CYP2C19: variants seen among roughly 807,000 people sequenced by gnomAD.
CYP2C19 encodes the protein cytochrome P450 2C19.
In CYP2C19, 59 loss-of-function variants were observed where a neutral mutation model predicts 40.9. That is an observed-to-expected ratio of 1.44 (90% CI 1.17 to 1.79). The LOEUF (loss-of-function observed/expected upper bound fraction) is 1.79. Ranked by LOEUF, CYP2C19 falls within the 40% of genes most tolerant of loss-of-function variation. The pLI, the probability that CYP2C19 is intolerant of heterozygous loss-of-function variation, is 0.00. For missense variants in CYP2C19, 754 were observed against 596.9 expected (o/e 1.26, Z -2.74); for synonymous variants, 253 against 208.7 (o/e 1.21, Z -1.83).
intron 5 of CYP2C19, among the ~76,000 whole-genome samples, chr10:94,800,089 T>A (rs1848743313): frequency 3.3e-5 from 5 of 152,096 alleles, no homozygotes; most frequent in Admixed American, 3.3e-4. Flanking sequence ...GGCACTCTGG[T>A]TTTTAGAATT....
At position 94,854,130 on chromosome 10, in the gene CYP2C19, T is replaced by A. The variant is rs1849697763; in HGVS notation, c.*1216T>A. On this transcript the variant is annotated 3_prime_UTR_variant, in exon 9 of 9. Transcript: ENST00000371321. Reference sequence around the variant, plus strand: ...ACCTCCTGGATTCAAGTGGTTCTCCTGCCTCAGCCCCCCAAGTAGCTGGGA... The same window carrying A: ...ACCTCCTGGATTCAAGTGGTTCTCCAGCCTCAGCCCCCCAAGTAGCTGGGA... Among the ~76,000 whole-genome samples the A allele has an allele frequency of 6.6e-6, 1 of 152,100 alleles. No individual in the cohort carries two copies. The highest frequency in any genetic ancestry group is 2.4e-5 in the African/African-American group (1 of 41,488).
chr10:94,829,550 C>A lies in CYP2C19; in HGVS notation c.961+8913C>A, dbSNP rs376639682. Among the ~76,000 whole-genome samples the A allele has an allele frequency of 5.3e-5, 8 of 152,172 alleles. No individual in the cohort carries two copies. The East Asian group carries it at 5.8e-4, about 11-fold the overall frequency. Reference sequence around the variant, plus strand: ...TCTGTATTGGTTATTCTAGTTATACCTTCTTCTAAATTTTTTTCAAAGTTT... The same window carrying A: ...TCTGTATTGGTTATTCTAGTTATACATTCTTCTAAATTTTTTTCAAAGTTT... On this transcript the variant is annotated intron_variant, in intron 6 of 8. Transcript: ENST00000371321.
At chr10:94,828,325 T>C (rs1849265520) in intron 6 of CYP2C19, among the ~76,000 whole-genome samples, 1 of 151,808 alleles carries the variant, frequency 6.6e-6, no homozygotes, top group Admixed American at 6.6e-5. Flanking sequence ...ACTCAGGATT[T>C]GCTTTATGAA....
rs61240923 is a variant in CYP2C19 at position 94,798,814 on chromosome 10, ATTTTTTTTTTTTT to A, written c.819+16829_819+16841del. 6.6e-3 allele frequency among the ~76,000 whole-genome samples: 449 copies of A among 67,720 alleles called. 5 individuals are homozygous for A. The highest frequency in any genetic ancestry group is 0.023 in the African/African-American group (422 of 18,318). 44.4% of individuals were successfully genotyped at this position (67,720 alleles called of 152,430 possible). A position where few individuals can be genotyped will look rare whatever the true frequency, so the allele number is the denominator to read the frequency against. Reference sequence around the variant, plus strand: ...TCAAAGGGTAGGATTGCAACCCCTGATTTTTTTTTTTTTTTTTTTTTTTTGCTGTCTATTTGCT... The same window carrying A: ...TCAAAGGGTAGGATTGCAACCCCTGATTTTTTTTTTTGCTGTCTATTTGCT... On this transcript the variant is annotated intron_variant, in intron 5 of 8. Transcript: ENST00000371321.
At chr10:94,816,147 A>G (rs1848998221) in intron 5 of CYP2C19, among the ~76,000 whole-genome samples, 1 of 152,158 alleles carries the variant, frequency 6.6e-6, no homozygotes, top group Non-Finnish European at 1.5e-5. Flanking sequence ...AGTCTGACAA[A>G]TGGAATTTTT....
At chr10:94,786,251 C>G (rs1848539962) in intron 5 of CYP2C19, among the ~76,000 whole-genome samples, 1 of 152,056 alleles carries the variant, frequency 6.6e-6, no homozygotes, top group African/African-American at 2.4e-5. Flanking sequence ...ATTGGACAAT[C>G]AACTTTCCCA....
chr10:94,811,402 T>A (rs1848921015), intron 5 of CYP2C19, among the ~76,000 whole-genome samples: 2 of 152,206 alleles, frequency 1.3e-5, no homozygotes, highest in Admixed American at 1.3e-4. Context: ...TATGCCCGCT[T>A]GGTCCAGAGC....
intron 8 of CYP2C19, among the ~76,000 whole-genome samples, chr10:94,850,821 G>A (rs993154391): frequency 2.0e-5 from 3 of 152,132 alleles, no homozygotes; most frequent in African/African-American, 7.2e-5. Flanking sequence ...GGATCAGGGG[G>A]ACATTAAGAA....
intron 5 of CYP2C19, among the ~76,000 whole-genome samples, chr10:94,800,468 T>A (rs1848747983): frequency 6.6e-6 from 1 of 152,252 alleles, no homozygotes; most frequent in Admixed American, 6.5e-5. Flanking sequence ...CCAGTTAGGC[T>A]ACACGGGGTT....
chr10:94,815,289 C>G (rs944165047), intron 5 of CYP2C19, among the ~76,000 whole-genome samples: 3 of 152,106 alleles, frequency 2.0e-5, no homozygotes, highest in Non-Finnish European at 4.4e-5. Context: ...AGAATCTAGT[C>G]TATTTCAGTG....
chr10:94,793,636 G>C (rs1165341222), intron 5 of CYP2C19, among the ~76,000 whole-genome samples: 1 of 152,142 alleles, frequency 6.6e-6, no homozygotes, highest in East Asian at 1.9e-4. Flanking sequence ...TCCAGACCCT[G>C]TTTGCCTGGA....
At chr10:94,817,431 T>G (rs1303948246) in intron 5 of CYP2C19, among the ~76,000 whole-genome samples, 1 of 142,308 alleles carries the variant, frequency 7.0e-6, no homozygotes, top group Non-Finnish European at 1.5e-5. Context: ...GGGTTGTTTG[T>G]TTTTTTCTTG....
At chr10:94,791,913 G>C (rs942620737) in intron 5 of CYP2C19, among the ~76,000 whole-genome samples, 4 of 152,062 alleles carry the variant, frequency 2.6e-5, no homozygotes, top group Non-Finnish European at 5.9e-5. Context: ...TCAATTCCTG[G>C]ATATCCTTAT....
At position 94,817,639 on chromosome 10, in the gene CYP2C19, C is replaced by G. The variant is rs1395840764; in HGVS notation, c.820-2857C>G. 4.8e-5 allele frequency among the ~76,000 whole-genome samples: 7 copies of G among 147,066 alleles called. No homozygotes were observed. In the South Asian group the frequency reaches 1.3e-3, roughly 28 times the overall value. ...TTGCCATTGCTTTTGGTGTTTTGGACATGAAGTTCTTGCCCATGCCTATGT... is the reference window on the plus strand; with the variant it reads ...TTGCCATTGCTTTTGGTGTTTTGGAGATGAAGTTCTTGCCCATGCCTATGT... On this transcript the variant is annotated intron_variant, in intron 5 of 8. Coordinates refer to ENST00000371321, the MANE Select transcript of CYP2C19 (RefSeq NM_000769.4).
intron 6 of CYP2C19, among the ~76,000 whole-genome samples, chr10:94,827,181 T>C (rs2134274260): frequency 6.6e-6 from 1 of 151,822 alleles, no homozygotes; most frequent in East Asian, 1.9e-4. Context: ...CCTCATAAAA[T>C]GAGTTAGGGA....
intron 4 of CYP2C19, 32 bp downstream of exon 4, chr10:94,780,691 C>G: frequency 6.2e-7 from 1 of 1,610,706 alleles, no homozygotes; most frequent in Admixed American, 1.7e-5. Context: ...CCTGAGAAAC[C>G]ACTTACAGTC....
At chr10:94,787,979 T>A (rs112573749) in intron 5 of CYP2C19, among the ~76,000 whole-genome samples, 7,254 of 152,222 alleles carry the variant, frequency 0.048, 245 homozygotes, top group South Asian at 0.11. Flanking sequence ...TTTAATGATA[T>A]TGATTGTTTT....
chr10:94,810,417 A>G (rs986894859), intron 5 of CYP2C19, among the ~76,000 whole-genome samples: 4 of 152,090 alleles, frequency 2.6e-5, no homozygotes, highest in Non-Finnish European at 5.9e-5. Context: ...GTTAGGAAAG[A>G]GTCTGTCTTT....
chr10:94,812,073 A>T (rs1265245361), intron 5 of CYP2C19, among the ~76,000 whole-genome samples: 3 of 152,160 alleles, frequency 2.0e-5, no homozygotes, highest in African/African-American at 7.2e-5. Context: ...AGGCTTGGTG[A>T]TGACAAAATC....
Sources: allele counts gnomAD v4.1 joint callset (sites outside exome capture counted in the v4.1 genomes callset), GRCh38; gene constraint gnomAD v4.1.1; transcripts MANE v1.5; gene names NCBI Gene and HGNC (gene_info 2026-07-23, HGNC 2026-07-21).